CCDC50: variants seen among roughly 807,000 people sequenced by gnomAD.
CCDC50 encodes the protein coiled-coil domain-containing protein 50.
In CCDC50, 54 loss-of-function variants were observed where a neutral mutation model predicts 70.2. The observed-to-expected ratio is 0.77, with a 90% CI of 0.62 to 0.96. The LOEUF (loss-of-function observed/expected upper bound fraction) is 0.96, where lower values mean the gene tolerates loss of function less well. CCDC50 is among the 50% of genes least tolerant of loss of function. The pLI, the probability that CCDC50 is intolerant of heterozygous loss-of-function variation, is 0.00. For synonymous variants in CCDC50, 216 were observed against 198.8 expected, an observed-to-expected ratio of 1.09 and a Z score of -0.73; for missense variants, 558 against 578.7, an observed-to-expected ratio of 0.96 and a Z score of 0.37.
intron 10 of CCDC50, among the ~76,000 whole-genome samples, chr3:191,388,922 CT>C (rs5855367): frequency 0.7 from 103,034 of 146,640 alleles, 36,363 homozygotes; most frequent in Non-Finnish European, 0.74. Context: ...AAAATTATAT[CT>C]TTTTTTTTTT....
In CCDC50 at chr3:191,352,964, A is replaced by AT. The variant is rs113348873; in HGVS notation, c.50-4111dup. Among the ~76,000 whole-genome samples the AT allele has an allele frequency of 6.5e-4, 87 of 133,610 alleles. 9 individuals carry two copies. The highest frequency in any genetic ancestry group is 9.9e-4 in the African/African-American group (38 of 38,486). The allele number at this position is 133,610 out of a possible 152,430, so 87.7% of individuals were successfully genotyped here. ...TTGTTTGACTTTATGATCCAGCTTT[A>AT]TTTTTTTTTTTTTAACTTCTTTCAA... On this transcript the variant is annotated intron_variant, in intron 1 of 11. Coordinates refer to ENST00000392455, the MANE Select transcript of CCDC50 (RefSeq NM_178335.3).
At chr3:191,385,462 A>C (rs1713455599) in intron 10 of CCDC50, among the ~76,000 whole-genome samples, 1 of 152,120 alleles carries the variant, frequency 6.6e-6, no homozygotes, top group Admixed American at 6.5e-5. Flanking sequence ...TCTTTTGAGA[A>C]GTGTCTGTTC....
At chr3:191,346,938 A>C (rs1449773370) in intron 1 of CCDC50, among the ~76,000 whole-genome samples, 1 of 144,046 alleles carries the variant, frequency 6.9e-6, no homozygotes, top group East Asian at 1.9e-4. Context: ...GAAGTATTTG[A>C]GGAAACTAGG....
At chr3:191,369,584 A>AT (rs1441683248) in intron 4 of CCDC50, among the ~76,000 whole-genome samples, 2 of 152,204 alleles carry the variant, frequency 1.3e-5, no homozygotes, top group African/African-American at 4.8e-5. Context: ...CCCAATCTAG[A>AT]TTTATTGAAT....
At chr3:191,391,591 C>T (rs1713694754) in intron 11 of CCDC50, 150 bp from the exon 12 acceptor site, 3 of 739,158 alleles carry the variant, frequency 4.1e-6, no homozygotes, top group Middle Eastern at 3.8e-4. Flanking sequence ...TAAACTAACA[C>T]ATTGATTCTG....
chr3:191,376,870 A>C (rs176820), intron 6 of CCDC50, among the ~76,000 whole-genome samples: 96,844 of 151,918 alleles, frequency 0.64, 32,218 homozygotes, highest in East Asian at 0.93. Context: ...GGTGTGGGGG[A>C]AGTATGGAGG....
intron 1 of CCDC50, among the ~76,000 whole-genome samples, chr3:191,341,085 A>G (rs747618279): frequency 5.9e-5 from 9 of 151,834 alleles, no homozygotes; most frequent in Non-Finnish European, 1.0e-4. Flanking sequence ...CTTAGCCTGC[A>G]CTGGGATCAT....
chr3:191,344,261 G>A (rs1026637857), intron 1 of CCDC50, among the ~76,000 whole-genome samples: 4 of 152,130 alleles, frequency 2.6e-5, no homozygotes, highest in Non-Finnish European at 4.4e-5. Flanking sequence ...CTGTCATACC[G>A]TCACGTTGTG....
intron 6 of CCDC50, among the ~76,000 whole-genome samples, 178 bp from the exon 7 acceptor site, chr3:191,379,981 G>A (rs1457645445): frequency 1.3e-5 from 2 of 151,932 alleles, no homozygotes; most frequent in African/African-American, 2.4e-5. Context: ...TATCTACATT[G>A]CCACTTCCAT....
chr3:191,380,894 T>A lies in CCDC50; in HGVS notation c.1204T>A (p.Ser402Thr), dbSNP rs1039059170. Residue 402 changes from serine to threonine, a missense_variant, in exon 9 of 12, where the codon TCA (serine) becomes ACA (threonine). Coordinates refer to ENST00000392455, the MANE Select transcript of CCDC50 (RefSeq NM_178335.3). The stretch of plus-strand genomic sequence containing the variant: ...CAAAAAAGCCAAGGAGCGGGAGAAA[T>A]CATCTTTGGACAAAAGAAAGCAAGA... ...AYKKAKEREK[S>T]SLDKRKQDPE... 2 of 1,612,746 alleles carry A rather than the reference T, an allele frequency of 1.2e-6. No homozygotes were observed. The highest frequency in any genetic ancestry group is 8.5e-7 in the Non-Finnish European group (1 of 1,179,208).
In CCDC50 at chr3:191,347,571, A is replaced by C. The variant is rs1410390286; in HGVS notation, c.50-9517A>C. 2.8e-5 allele frequency among the ~76,000 whole-genome samples: 4 copies of C among 142,618 alleles called. 1 individual carries two copies. Among genetic ancestry groups the C allele is most frequent in the Admixed American group, 1.4e-4 (2 of 13,948 alleles). The allele number at this position is 142,618 out of a possible 152,430, so 93.6% of individuals were successfully genotyped here. On this transcript the variant is annotated intron_variant, in intron 1 of 11. Transcript: ENST00000392455. ...CTCATTTAACTATGCGATCTTGGGC[A>C]TATTATTACAAATCTCAGCCATCAT...
rs1713267882 is a variant in CCDC50, at chr3:191,380,302, G to C, written c.1092+28G>C. ...GAGCAAATTTTAAGGCAAAAGTTTAGATATATTGATGGGTATTTTTTTTGT... is the reference window on the plus strand; with the variant it reads ...GAGCAAATTTTAAGGCAAAAGTTTACATATATTGATGGGTATTTTTTTTGT... On this transcript the variant is annotated intron_variant, in intron 7 of 11. Transcript: ENST00000392455. The C allele has an allele frequency of 2.2e-6, 3 of 1,357,930 alleles. No individual in the cohort carries two copies. In the East Asian group the frequency reaches 6.9e-5, roughly 31 times the overall value. 84.1% of individuals were successfully genotyped at this position (1,357,930 alleles called of 1,614,324 possible).
In CCDC50 at chr3:191,392,313, G is replaced by C. The variant is rs1713722759; in HGVS notation, c.*553G>C. 1 of 154,658 alleles carries C rather than the reference G, an allele frequency of 6.5e-6. No individual in the cohort carries two copies. The highest frequency in any genetic ancestry group is 2.0e-4 in the South Asian group (1 of 5,068). 9.6% of individuals were successfully genotyped at this position (154,658 alleles called of 1,614,324 possible). On this transcript the variant is annotated 3_prime_UTR_variant, in exon 12 of 12. Transcript: ENST00000392455. ...TATTCTGACTAGATGGACTGTAGAG[G>C]TTTTGCATTTCTCAGCCCTCCTGGG...
chr3:191,367,368 T>C (rs1712732930), intron 4 of CCDC50, among the ~76,000 whole-genome samples: 1 of 151,996 alleles, frequency 6.6e-6, no homozygotes, highest in Non-Finnish European at 1.5e-5. Context: ...CTCTGAATTT[T>C]TAAGACTTTG....
intron 10 of CCDC50, among the ~76,000 whole-genome samples, chr3:191,386,953 A>G (rs1009728592): frequency 1.1e-4 from 17 of 152,192 alleles, no homozygotes; most frequent in African/African-American, 4.1e-4. Context: ...ATTATTTGTT[A>G]TTCTACTTGC....
At chr3:191,341,745 G>T (rs1438168942) in intron 1 of CCDC50, among the ~76,000 whole-genome samples, 1 of 152,144 alleles carries the variant, frequency 6.6e-6, no homozygotes, top group Non-Finnish European at 1.5e-5. Context: ...CCCCACTCTT[G>T]TGAAACTGCA....
At chr3:191,367,726 T>A (rs1254656795) in intron 4 of CCDC50, among the ~76,000 whole-genome samples, 2 of 152,110 alleles carry the variant, frequency 1.3e-5, no homozygotes, top group African/African-American at 4.8e-5. Flanking sequence ...TTCCTTTATA[T>A]TTTTTCCTCA....
intron 4 of CCDC50, among the ~76,000 whole-genome samples, chr3:191,364,568 C>G (rs932726806): frequency 1.3e-5 from 2 of 150,834 alleles, no homozygotes; most frequent in African/African-American, 4.9e-5. Context: ...GACTGAGAAC[C>G]CTTTTCTCTT....
At chr3:191,345,764 C>T (rs1014974474) in intron 1 of CCDC50, among the ~76,000 whole-genome samples, 1 of 147,062 alleles carries the variant, frequency 6.8e-6, no homozygotes, top group Non-Finnish European at 1.5e-5. Flanking sequence ...CAGGAACATA[C>T]TTTGATAAAT....
Sources: allele counts gnomAD v4.1 joint callset (sites outside exome capture counted in the v4.1 genomes callset), GRCh38; gene constraint gnomAD v4.1.1; transcripts MANE v1.5; gene names NCBI Gene and HGNC (gene_info 2026-07-23, HGNC 2026-07-21).